The following PARD3B variants were observed in gnomAD, a reference collection of about 807,000 sequenced individuals.
PARD3B encodes the protein par-3 family cell polarity regulator beta.
PARD3B carries 103 observed loss-of-function variants against 130.2 expected under a neutral mutation model. The observed-to-expected ratio is 0.79, with a 90% CI of 0.67 to 0.93. The LOEUF is 0.93. PARD3B is among the 40% of genes least tolerant of loss of function. PARD3B has a pLI of 0.00. For synonymous variants in PARD3B, 583 were observed against 553.2 expected (o/e 1.05, Z -0.76); for missense variants, 1,609 against 1,499.2 (o/e 1.07, Z -1.21).
At chr2:205,234,164 G>A (rs574262581) in intron 15 of PARD3B, among the ~76,000 whole-genome samples, 1 of 152,194 alleles carries the variant, frequency 6.6e-6, no homozygotes, top group Admixed American at 6.5e-5. Context: ...GATAAAAAAG[G>A]CAAGTCATGG....
chr2:204,838,468 A>G (rs578195144), intron 2 of PARD3B, among the ~76,000 whole-genome samples: 119 of 151,058 alleles, frequency 7.9e-4, no homozygotes, highest in African/African-American at 2.6e-3. Context: ...ACCTGCCTCT[A>G]CCTCCCAAAC....
intron 18 of PARD3B, among the ~76,000 whole-genome samples, chr2:205,303,221 C>T (rs746437740): frequency 6.6e-5 from 10 of 152,212 alleles, no homozygotes; most frequent in African/African-American, 9.7e-5. Context: ...CCACCTTCTC[C>T]TATTTCTCAG....
intron 3 of PARD3B, among the ~76,000 whole-genome samples, chr2:205,036,695 CTGTA>C (rs1165263212): frequency 5.6e-5 from 8 of 142,802 alleles, no homozygotes; most frequent in Non-Finnish European, 1.2e-4. Context: ...ACACAGCGGA[CTGTA>C]TGTACAAAAA....
At chr2:205,431,959 TTCTGTACATTA>T (rs2047353825) in intron 19 of PARD3B, among the ~76,000 whole-genome samples, 1 of 152,176 alleles carries the variant, frequency 6.6e-6, no homozygotes, top group Admixed American at 6.5e-5. Flanking sequence ...AAGTTAAGAC[TTCTGTACATTA>T]TGAGAACTGT....
intron 2 of PARD3B, among the ~76,000 whole-genome samples, chr2:204,821,705 A>T (rs937055390): frequency 4.0e-5 from 6 of 151,676 alleles, no homozygotes; most frequent in South Asian, 2.1e-4. Flanking sequence ...ATAATAAAAT[A>T]AAAAAAATTA....
chr2:205,108,561 C>T (rs928237101), intron 5 of PARD3B, among the ~76,000 whole-genome samples: 3 of 152,034 alleles, frequency 2.0e-5, no homozygotes, highest in Non-Finnish European at 4.4e-5. Context: ...ACAGACTATC[C>T]TCGTTCAATA....
intron 2 of PARD3B, among the ~76,000 whole-genome samples, chr2:204,874,297 A>T (rs965502653): frequency 9.9e-5 from 15 of 152,220 alleles, no homozygotes; most frequent in African/African-American, 3.6e-4. Flanking sequence ...ATTGATGCTT[A>T]TGATGATTAA....
intron 4 of PARD3B, among the ~76,000 whole-genome samples, chr2:205,088,021 T>C (rs968647439): frequency 1.3e-5 from 2 of 152,212 alleles, no homozygotes; most frequent in Non-Finnish European, 2.9e-5. Context: ...TTGAAAGCTA[T>C]TTTTGTGCAA....
intron 1 of PARD3B, among the ~76,000 whole-genome samples, chr2:204,580,753 G>T (rs2032511861): frequency 6.6e-6 from 1 of 152,136 alleles, no homozygotes; most frequent in Non-Finnish European, 1.5e-5. Flanking sequence ...GATTGATTGG[G>T]ATTTGGAAGG....
At chr2:204,904,122 GTTCT>G (rs921420449) in intron 2 of PARD3B, among the ~76,000 whole-genome samples, 120 of 152,184 alleles carry the variant, frequency 7.9e-4, no homozygotes, top group African/African-American at 2.8e-3. Flanking sequence ...CTGCTTTATA[GTTCT>G]TTAAGTTCAA....
intron 3 of PARD3B, among the ~76,000 whole-genome samples, chr2:204,989,858 T>C (rs937895884): frequency 6.6e-6 from 1 of 152,162 alleles, no homozygotes; most frequent in African/African-American, 2.4e-5. Context: ...TCCAGGTTTT[T>C]GCTCTTACAT....
At position 204,736,019 on chromosome 2, in the gene PARD3B, C is replaced by T. The variant is rs541863302; in HGVS notation, c.222+49737C>T. Among the ~76,000 whole-genome samples, 107 of 152,162 alleles carry T rather than the reference C, an allele frequency of 7.0e-4. No homozygotes were observed. In the South Asian group the frequency reaches 7.3e-3, roughly 10 times the overall value. On this transcript the variant is annotated intron_variant, in intron 2 of 22. Coordinates refer to ENST00000406610, the MANE Select transcript of PARD3B (RefSeq NM_001302769.2). ...AAAGATAGCTCTGAAGAGTAGTTTACCCCCGGAAACTCTTTGAGACTTTTG... is the reference window on the plus strand; with the variant it reads ...AAAGATAGCTCTGAAGAGTAGTTTATCCCCGGAAACTCTTTGAGACTTTTG...
intron 1 of PARD3B, among the ~76,000 whole-genome samples, chr2:204,564,117 T>C (rs917025910): frequency 6.6e-6 from 1 of 152,150 alleles, no homozygotes; most frequent in Non-Finnish European, 1.5e-5. Context: ...CAGTGGCTGG[T>C]ATGGATTACA....
At chr2:205,154,095 C>G (rs908307196) in intron 10 of PARD3B, among the ~76,000 whole-genome samples, 14 of 152,152 alleles carry the variant, frequency 9.2e-5, no homozygotes, top group Non-Finnish European at 1.9e-4. Context: ...AAACTACCAT[C>G]AGAGTGAACA....
intron 2 of PARD3B, among the ~76,000 whole-genome samples, chr2:204,803,609 G>C (rs2042654295): frequency 6.6e-6 from 1 of 152,166 alleles, no homozygotes; most frequent in Admixed American, 6.5e-5. Flanking sequence ...TTGCTTGTTA[G>C]TCTGTTTATG....
At chr2:205,384,164 A>C (rs2045579775) in intron 18 of PARD3B, among the ~76,000 whole-genome samples, 1 of 152,090 alleles carries the variant, frequency 6.6e-6, no homozygotes, top group Non-Finnish European at 1.5e-5. Flanking sequence ...TGACAGAGAG[A>C]GAATGGATAA....
intron 3 of PARD3B, among the ~76,000 whole-genome samples, chr2:205,020,825 C>T (rs1253021694): frequency 2.6e-5 from 4 of 152,096 alleles, no homozygotes; most frequent in African/African-American, 4.8e-5. Flanking sequence ...GCACTTCTGT[C>T]CTTAAGCTCT....
At chr2:205,565,538 C>T (rs1467754949) in intron 22 of PARD3B, among the ~76,000 whole-genome samples, 2 of 152,154 alleles carry the variant, frequency 1.3e-5, no homozygotes, top group Admixed American at 6.5e-5. Flanking sequence ...GAAGACTCTG[C>T]CTTCTGTGGG....
chr2:204,649,752 A>G (rs2035412789), intron 1 of PARD3B, among the ~76,000 whole-genome samples: 1 of 152,224 alleles, frequency 6.6e-6, no homozygotes, highest in Non-Finnish European at 1.5e-5. Flanking sequence ...TAAACCATAT[A>G]CAAAAATTAA....
Sources: gnomAD v4.1 joint callset for allele counts (sites outside exome capture counted in the v4.1 genomes callset) on GRCh38, gnomAD v4.1.1 for gene constraint, MANE v1.5 for transcripts, NCBI Gene and HGNC (gene_info 2026-07-23, HGNC 2026-07-21) for gene names.